Variants in ESRRB observed in about 807,000 individuals in gnomAD.
The protein encoded by ESRRB is steroid hormone receptor ERR2.
ESRRB carries 16 observed loss-of-function variants against 46.0 expected under a neutral mutation model. The observed-to-expected ratio is 0.35, with a 90% CI of 0.24 to 0.53. The LOEUF is 0.53. Ranked by LOEUF, ESRRB falls within the 20% of genes least tolerant of loss-of-function variation. The pLI, the probability that ESRRB is intolerant of heterozygous loss-of-function variation, is 0.93. For synonymous variants in ESRRB, 246 were observed against 259.6 expected (o/e 0.95, Z 0.50); for missense variants, 488 against 607.4 (o/e 0.80, Z 2.07).
rs1890540245 is a variant in ESRRB at position 76,498,770 on chromosome 14, G to A, written c.*312G>A. Reference sequence around the variant, plus strand: ...CCCTTCAGGAGTGGAGGCCACTGGAGCAAGTGCCCTCTCCCCTCCACCGAG... The same window carrying A: ...CCCTTCAGGAGTGGAGGCCACTGGAACAAGTGCCCTCTCCCCTCCACCGAG... On this transcript the variant is annotated 3_prime_UTR_variant, in exon 7 of 7. Coordinates refer to ENST00000644823, the MANE Select transcript of ESRRB (RefSeq NM_001379180.1). The A allele has an allele frequency of 1.4e-6, 1 of 715,580 alleles. No individual in the cohort carries two copies. Among genetic ancestry groups the A allele is most frequent in the African/African-American group, 1.8e-5 (1 of 56,766 alleles). The allele number at this position is 715,580 out of a possible 1,614,324, so 44.3% of individuals were successfully genotyped here.
At position 76,501,369 on chromosome 14, in the gene ESRRB, C is replaced by T. The variant is rs1161994800; in HGVS notation, c.*2911C>T. 2 of 152,396 alleles carry T rather than the reference C, an allele frequency of 1.3e-5. No homozygotes were observed. The highest frequency in any genetic ancestry group is 4.8e-5 in the African/African-American group (2 of 41,424). 9.4% of individuals were successfully genotyped at this position (152,396 alleles called of 1,614,324 possible). On this transcript the variant is annotated 3_prime_UTR_variant, in exon 7 of 7. Coordinates refer to ENST00000644823, the MANE Select transcript of ESRRB (RefSeq NM_001379180.1). ...AATCTTTGCATATAGGGAACTTCCTCGGGCCACACTTTAAGAACCAAGTAA... is the reference window on the plus strand; with the variant it reads ...AATCTTTGCATATAGGGAACTTCCTTGGGCCACACTTTAAGAACCAAGTAA...
At position 76,379,624 on chromosome 14, in the gene ESRRB, G is replaced by C. The variant is rs1023448262; in HGVS notation, c.50+3173G>C. On this transcript the variant is annotated intron_variant, in intron 1 of 6. Coordinates refer to ENST00000644823, the MANE Select transcript of ESRRB (RefSeq NM_001379180.1). ...CCTTCTGGAGGTGTGCGCTGCCATG[G>C]AAGAGGATGGGTGATAGGAGGTGGG... Among the ~76,000 whole-genome samples the C allele has an allele frequency of 6.6e-4, 101 of 152,286 alleles. 1 individual carries two copies. The highest frequency in any genetic ancestry group is 2.0e-3 in the African/African-American group (85 of 41,558).
At chr14:76,442,482 A>G (rs1459030887) in intron 2 of ESRRB, among the ~76,000 whole-genome samples, 4 of 152,192 alleles carry the variant, frequency 2.6e-5, no homozygotes, top group Admixed American at 6.5e-5. Flanking sequence ...TCTCAAAAAA[A>G]AATAATAAAA....
intron 1 of ESRRB, among the ~76,000 whole-genome samples, chr14:76,435,516 T>C (rs1203390767): frequency 6.6e-6 from 1 of 152,164 alleles, no homozygotes; most frequent in South Asian, 2.1e-4. Context: ...AAAGGCATGC[T>C]GAGGAGGCCA....
At position 76,361,288 on chromosome 14, in the gene ESRRB, T is replaced by C. The variant is rs553215072; in HGVS notation, c.2+50372T>C. Among the ~76,000 whole-genome samples, 4 of 152,292 alleles carry C rather than the reference T, an allele frequency of 2.6e-5. No individual in the cohort carries two copies. The South Asian group carries it at 8.3e-4, about 32-fold the overall frequency. Reference sequence around the variant, plus strand: ...GCCATTCAAGGTGGCTGCCTTGAGATGTCCCTTATGATGGGAGGCTGGGAT... The same window carrying C: ...GCCATTCAAGGTGGCTGCCTTGAGACGTCCCTTATGATGGGAGGCTGGGAT... On this transcript the variant is annotated intron_variant, in intron 1 of 6. Coordinates refer to the ESRRB transcript ENST00000512784.
intron 1 of ESRRB, among the ~76,000 whole-genome samples, chr14:76,393,350 C>T (rs767921059): frequency 3.3e-5 from 5 of 152,188 alleles, no homozygotes; most frequent in Admixed American, 6.5e-5. Flanking sequence ...GCTCTCAACA[C>T]TCCTCTCCAT....
chr14:76,436,698 G>T (rs1038450227), intron 1 of ESRRB, among the ~76,000 whole-genome samples: 8 of 152,144 alleles, frequency 5.3e-5, no homozygotes, highest in African/African-American at 1.9e-4. Context: ...TCTTTCCTGG[G>T]GACTCCACTG....
intron 1 of ESRRB, among the ~76,000 whole-genome samples, chr14:76,387,192 T>G (rs904996629): frequency 5.3e-5 from 8 of 152,198 alleles, no homozygotes; most frequent in Non-Finnish European, 1.0e-4. Flanking sequence ...AGAGCATGGA[T>G]GAACCGGGTC....
chr14:76,474,792 G>A (rs1889507339), intron 3 of ESRRB, among the ~76,000 whole-genome samples: 1 of 151,920 alleles, frequency 6.6e-6, no homozygotes, highest in Admixed American at 6.6e-5. Flanking sequence ...ACTCTAGCCT[G>A]GGTGACAAAC....
intron 1 of ESRRB, among the ~76,000 whole-genome samples, chr14:76,377,966 T>G (rs1884848364): frequency 6.6e-6 from 1 of 152,166 alleles, no homozygotes; most frequent in South Asian, 2.1e-4. Context: ...TGGATTCCGA[T>G]TTCCATCAGC....
upstream of ESRRB, among the ~76,000 whole-genome samples, chr14:76,368,732 T>C (rs1157329477): frequency 1.3e-5 from 2 of 152,220 alleles, no homozygotes; most frequent in Non-Finnish European, 2.9e-5. Context: ...AAAGATGTTA[T>C]GGATGGCCAT....
intron 1 of ESRRB, among the ~76,000 whole-genome samples, chr14:76,334,656 G>T (rs1346075599): frequency 1.3e-5 from 2 of 152,212 alleles, no homozygotes; most frequent in African/African-American, 4.8e-5. Context: ...GGGGAGGGGT[G>T]GCTGGCCCCG....
intron 1 of ESRRB, among the ~76,000 whole-genome samples, chr14:76,438,114 G>A (rs1887753039): frequency 6.6e-6 from 1 of 152,142 alleles, no homozygotes; most frequent in Non-Finnish European, 1.5e-5. Flanking sequence ...CGGGGTCTAG[G>A]AAGGGAAATG....
At chr14:76,368,213 T>A (rs1360655116), upstream of ESRRB, among the ~76,000 whole-genome samples, 3 of 150,902 alleles carry the variant, frequency 2.0e-5, no homozygotes, top group Non-Finnish European at 4.4e-5. Context: ...GACCTTGTGA[T>A]CTGCCCTCCT....
intron 1 of ESRRB, among the ~76,000 whole-genome samples, chr14:76,428,011 T>C (rs1286175971): frequency 6.6e-6 from 1 of 152,144 alleles, no homozygotes; most frequent in East Asian, 1.9e-4. Context: ...GTTATATATA[T>C]GTTTGAGATG....
At chr14:76,369,078 T>G (rs559073878), upstream of ESRRB, among the ~76,000 whole-genome samples, 2 of 150,960 alleles carry the variant, frequency 1.3e-5, no homozygotes, top group South Asian at 2.1e-4. Context: ...GTCCCTGTAA[T>G]CCCAGCTACT....
At chr14:76,456,897 T>C (rs1365206577) in intron 2 of ESRRB, among the ~76,000 whole-genome samples, 1 of 151,952 alleles carries the variant, frequency 6.6e-6, no homozygotes, top group Non-Finnish European at 1.5e-5. Context: ...GGTGTGTAAA[T>C]AAGGGAGTGG....
intron 5 of ESRRB, among the ~76,000 whole-genome samples, chr14:76,486,142 C>T (rs772640102): frequency 2.6e-5 from 4 of 152,220 alleles, no homozygotes; most frequent in Non-Finnish European, 5.9e-5. Flanking sequence ...GTGTCCATTT[C>T]TTATTCCATG....
At position 76,482,815 on chromosome 14, in the gene ESRRB, G is replaced by T. The variant is rs778787494; in HGVS notation, c.850+56G>T. ...CCAGGGACTCTCAGCCGGTATCTCC[G>T]CAGCCTACCCAATGGCTGTGCTTCT... On this transcript the variant is annotated intron_variant, in intron 5 of 6. Transcript: ENST00000644823. The surrounding 1 kb of genome is among the most constrained non-coding windows in gnomAD (Gnocchi z 4.3). 8 of 1,597,592 alleles carry T rather than the reference G, an allele frequency of 5.0e-6. No individual in the cohort carries two copies. Among genetic ancestry groups the T allele is most frequent in the Non-Finnish European group, 6.0e-6 (7 of 1,168,374 alleles).
Sources: gnomAD v4.1 joint callset for allele counts (sites outside exome capture counted in the v4.1 genomes callset) on GRCh38, gnomAD v4.1.1 for gene constraint, Gnocchi (gnomAD v3.1) non-coding constraint, MANE v1.5 for transcripts, NCBI Gene and HGNC (gene_info 2026-07-23, HGNC 2026-07-21) for gene names.